Variants in CLTC observed in about 807,000 individuals in gnomAD.
CLTC encodes clathrin heavy chain 1.
CLTC carries 16 observed loss-of-function variants against 195.8 expected under a neutral mutation model. The ratio of observed to expected loss-of-function variants is 0.08; its 90% CI spans 0.06 to 0.12. CLTC has a LOEUF of 0.12. Among genes scored for constraint, CLTC ranks in the 10% least tolerant of loss-of-function variants. CLTC has a pLI of 1.00. For missense variants in CLTC, 796 were observed against 2,027.0 expected, an observed-to-expected ratio of 0.39 and a Z score of 11.66; for synonymous variants, 667 against 689.4, an observed-to-expected ratio of 0.97 and a Z score of 0.51.
chr17:59,628,308 T>G (rs1228778417), intron 1 of CLTC, among the ~76,000 whole-genome samples: 1 of 152,220 alleles, frequency 6.6e-6, no homozygotes, highest in Non-Finnish European at 1.5e-5. Flanking sequence ...AACTTCCTCA[T>G]TTATTAAAAC....
intron 5 of CLTC, among the ~76,000 whole-genome samples, chr17:59,652,964 G>T (rs985975676): frequency 1.1e-4 from 16 of 152,072 alleles, no homozygotes; most frequent in Non-Finnish European, 1.5e-5. Flanking sequence ...TCAGTACTTG[G>T]TTTTTCACCT....
chr17:59,692,820 A>T (rs1014302913), intron 31 of CLTC, among the ~76,000 whole-genome samples: 1 of 151,916 alleles, frequency 6.6e-6, no homozygotes, highest in Non-Finnish European at 1.5e-5. Context: ...TTGTATTTTT[A>T]GTAGAGACGG....
chr17:59,650,952 G>C lies in CLTC; in HGVS notation c.682-251G>C, dbSNP rs540606324. Among the ~76,000 whole-genome samples the C allele has an allele frequency of 2.0e-5, 3 of 152,092 alleles. No homozygotes were observed. The South Asian group carries it at 6.2e-4, about 32-fold the overall frequency. ...TCTATAATTTTGTCACTTTAGAAAT[G>C]TTACATAAATGGAATCATACAGTAT... On this transcript the variant is annotated intron_variant, in intron 4 of 31. Transcript: ENST00000269122.
At chr17:59,667,286 T>G (rs946587701) in intron 13 of CLTC, among the ~76,000 whole-genome samples, 1 of 152,108 alleles carries the variant, frequency 6.6e-6, no homozygotes, top group Admixed American at 6.5e-5. Flanking sequence ...AATCTGAAAA[T>G]CCAAAATGCA....
At chr17:59,635,710 T>C (rs994713126) in intron 1 of CLTC, among the ~76,000 whole-genome samples, 3 of 152,202 alleles carry the variant, frequency 2.0e-5, no homozygotes, top group African/African-American at 7.2e-5. Context: ...GACCATGGCC[T>C]CTTTGGTCCT....
rs148657971 is a variant in CLTC, at chr17:59,679,388, C to T, written c.2797-9C>T. The T allele has an allele frequency of 1.7e-3, 2,739 of 1,592,266 alleles. 34 individuals are homozygous for T. In the African/African-American group the frequency reaches 0.029, roughly 17 times the overall value. Reference sequence around the variant, plus strand: ...TTACCTTGAAATTAATCTATCATATCTTCTTTAGGTTTGCAATGAGAATTC... The same window carrying T: ...TTACCTTGAAATTAATCTATCATATTTTCTTTAGGTTTGCAATGAGAATTC... On this transcript the variant is annotated splice_polypyrimidine_tract_variant and intron_variant, in intron 17 of 31. Coordinates refer to ENST00000269122, the MANE Select transcript of CLTC (RefSeq NM_004859.4).
chr17:59,622,080 C>A (rs537442831), intron 1 of CLTC, among the ~76,000 whole-genome samples: 1 of 152,282 alleles, frequency 6.6e-6, no homozygotes, highest in African/African-American at 2.4e-5. Flanking sequence ...CGAACCCAAC[C>A]TTGTCACTTA....
At chr17:59,669,369 C>A (rs1026042149) in intron 14 of CLTC, among the ~76,000 whole-genome samples, 4 of 152,158 alleles carry the variant, frequency 2.6e-5, no homozygotes, top group Non-Finnish European at 4.4e-5. Flanking sequence ...TTACCTCTTT[C>A]ATCAAGTTTG....
rs867784434 is a variant in CLTC, at chr17:59,658,197, C to T, written c.969+2170C>T. ...CAGCCTGGGTAACAGAGCGAGACTC[C>T]GTCTCAAAAAAAAAAAGAGAGAGAG... On this transcript the variant is annotated intron_variant, in intron 6 of 31. Transcript: ENST00000269122. 9.2e-5 allele frequency among the ~76,000 whole-genome samples: 14 copies of T among 151,728 alleles called. 1 individual carries two copies. The South Asian group carries it at 2.7e-3, about 29-fold the overall frequency.
At chr17:59,686,521 G>A (rs955130510) in intron 30 of CLTC, among the ~76,000 whole-genome samples, 4 of 152,090 alleles carry the variant, frequency 2.6e-5, no homozygotes, top group Admixed American at 1.3e-4. Flanking sequence ...CTGAGTTGGG[G>A]GGATGGGAGG....
At chr17:59,646,521 C>T (rs1296833435) in intron 2 of CLTC, among the ~76,000 whole-genome samples, 1 of 148,758 alleles carries the variant, frequency 6.7e-6, no homozygotes, top group Non-Finnish European at 1.5e-5. Flanking sequence ...TTCTCTGTGT[C>T]TCAGGAATGG....
At chr17:59,664,450 C>T (rs2063354) in intron 9 of CLTC, among the ~76,000 whole-genome samples, 117,560 of 151,420 alleles carry the variant, frequency 0.78, 46,579 homozygotes, top group East Asian at 0.93. Context: ...ACTCAGGAGG[C>T]CAAGGTAGGA....
In CLTC at chr17:59,661,464, A is replaced by G; in HGVS notation, c.1189A>G (p.Thr397Ala). ...APKGILRTPD[T>A]IRRFQSVPAQ... ...AAAGGGAATTCTTCGTACTCCAGAC[A>G]CTATCCGTCGGTTCCAGAGTGTCCC... The change falls in exon 8 of 32, where the codon ACT becomes GCT. Residue 397 changes from threonine to alanine, a missense_variant. Around this residue, in one of 9 missense-constraint regions of CLTC, gnomAD observed 293 missense variants for 795.6 expected, o/e 0.37. Transcript: ENST00000269122. 6 of 1,613,942 alleles carry G rather than the reference A, an allele frequency of 3.7e-6. No individual in the cohort carries two copies. Among genetic ancestry groups the G allele is most frequent in the Non-Finnish European group, 5.1e-6 (6 of 1,179,920 alleles).
rs1227852160 is a variant in CLTC at position 59,695,581 on chromosome 17, C to CG, written c.*1729_*1730insG. On this transcript the variant is annotated 3_prime_UTR_variant, in exon 32 of 32. Coordinates refer to ENST00000269122, the MANE Select transcript of CLTC (RefSeq NM_004859.4). ...GCAGGAGGCTGAGGCATGAGAATCA[C>CG]TTGAACCTGTGAGGCAAAGGTTGTA... 3 of 179,164 alleles carry CG rather than the reference C, an allele frequency of 1.7e-5. No individual in the cohort carries two copies. The East Asian group carries it at 2.8e-4, about 17-fold the overall frequency. The allele number at this position is 179,164 out of a possible 1,614,324, so 11.1% of individuals were successfully genotyped here.
At chr17:59,635,702 C>A (rs2031840174) in intron 1 of CLTC, among the ~76,000 whole-genome samples, 1 of 152,164 alleles carries the variant, frequency 6.6e-6, no homozygotes, top group African/African-American at 2.4e-5. Context: ...ATTAATAGGA[C>A]CATGGCCTCT....
Position 59,666,734 on chromosome 17 carries a change from C to A in CLTC, c.1948-63C>A. On this transcript the variant is annotated intron_variant, in intron 12 of 31. Coordinates refer to ENST00000269122, the MANE Select transcript of CLTC (RefSeq NM_004859.4). This position sits in a 1 kb window ranked among gnomAD's most constrained non-coding sequence, Gnocchi z 4.9. ...TTGTGGTACTAAATATTAATAATTT[C>A]ATACCACCATGAGGTTCAACATTAT... 1.3e-6 allele frequency: 2 copies of A among 1,549,944 alleles called. No individual in the cohort carries two copies. The highest frequency in any genetic ancestry group is 1.8e-6 in the Non-Finnish European group (2 of 1,134,518).
At chr17:59,657,242 C>A (rs1456373394) in intron 6 of CLTC, among the ~76,000 whole-genome samples, 1 of 152,104 alleles carries the variant, frequency 6.6e-6, no homozygotes, top group Non-Finnish European at 1.5e-5. Flanking sequence ...TAACTCCAGA[C>A]CTGGTTAGGT....
At chr17:59,662,952 C>T (rs935744349) in intron 8 of CLTC, among the ~76,000 whole-genome samples, 2 of 152,134 alleles carry the variant, frequency 1.3e-5, no homozygotes, top group Non-Finnish European at 1.5e-5. Context: ...AGGGTGAGAA[C>T]AGCCAAGGTA....
At chr17:59,637,183 ATGT>A (rs1437544320) in intron 1 of CLTC, among the ~76,000 whole-genome samples, 2 of 151,844 alleles carry the variant, frequency 1.3e-5, no homozygotes, top group Non-Finnish European at 2.9e-5. Context: ...TTGTCCCTAA[ATGT>A]TGTTTGGTTT....
Sources: allele counts gnomAD v4.1 joint callset (sites outside exome capture counted in the v4.1 genomes callset), GRCh38; gene constraint gnomAD v4.1.1; regional missense constraint gnomAD v4.1.1; non-coding constraint Gnocchi (gnomAD v3.1); transcripts MANE v1.5; gene names NCBI Gene and HGNC (gene_info 2026-07-23, HGNC 2026-07-21).